GSPT1: variants seen among roughly 807,000 people sequenced by gnomAD.
GSPT1 encodes the protein eukaryotic peptide chain release factor GTP-binding subunit ERF3A.
In GSPT1, 20 loss-of-function variants were observed where a neutral mutation model predicts 72.5. That is an observed-to-expected ratio of 0.28 (90% CI 0.19 to 0.40). The LOEUF is 0.40. Among genes scored for constraint, GSPT1 ranks in the 10% least tolerant of loss-of-function variants. The pLI is 1.00. For missense variants in GSPT1, 580 were observed against 811.9 expected (o/e 0.71, Z 3.47); for synonymous variants, 334 against 293.5 (o/e 1.14, Z -1.41).
At position 11,868,821 on chromosome 16, in the gene GSPT1, A is replaced by G. The variant is rs556781444; in HGVS notation, c.*4298T>C. ...CAAATGTGACAAGGCAGAAAACAAT[A>G]ACCATTTCAAGGATCACTTAAGGAA... On this transcript the variant is annotated 3_prime_UTR_variant, in exon 15 of 15. Coordinates refer to ENST00000434724, the MANE Select transcript of GSPT1 (RefSeq NM_002094.4). 107 of 152,302 alleles carry G rather than the reference A, an allele frequency of 7.0e-4. No individual in the cohort carries two copies. Among genetic ancestry groups the G allele is most frequent in the African/African-American group, 2.5e-3 (104 of 41,560 alleles). The allele number at this position is 152,302 out of a possible 1,614,324, so 9.4% of individuals were successfully genotyped here.
chr16:11,892,851 A>AAAAAAAAAAAAAAAAG (rs1567443552), intron 5 of GSPT1, among the ~76,000 whole-genome samples: 7 of 144,108 alleles, frequency 4.9e-5, no homozygotes, highest in African/African-American at 1.8e-4. Context: ...AAAAAAAAAA[A>AAAAAAAAAAAAAAAAG]AAAAGAAAAG....
chr16:11,889,179 G>A (rs2054222194), intron 6 of GSPT1, among the ~76,000 whole-genome samples: 2 of 151,674 alleles, frequency 1.3e-5, no homozygotes, highest in Non-Finnish European at 2.9e-5. Flanking sequence ...GTGGTGGCGG[G>A]TGCCTGTAGT....
intron 1 of GSPT1, among the ~76,000 whole-genome samples, chr16:11,898,441 CTT>C (rs5815660): frequency 0.035 from 3,759 of 107,056 alleles, 135 homozygotes; most frequent in African/African-American, 0.12. Flanking sequence ...GTGATTAGCC[CTT>C]TTTTTTTTTT....
At chr16:11,894,760 G>A (rs1051019411) in intron 5 of GSPT1, among the ~76,000 whole-genome samples, 194 bp downstream of exon 5, 1 of 152,160 alleles carries the variant, frequency 6.6e-6, no homozygotes, top group African/African-American at 2.4e-5. Flanking sequence ...AAAATGCTGG[G>A]ATTATAGGTG....
Position 11,898,019 on chromosome 16 carries a change from A to G in GSPT1, c.369T>C (p.Ser123=). 1.3e-6 allele frequency: 2 copies of G among 1,549,262 alleles called. No individual in the cohort carries two copies. Among genetic ancestry groups the G allele is most frequent in the Non-Finnish European group, 1.7e-6 (2 of 1,143,000 alleles). Residue 123 remains serine (S), a synonymous_variant, in exon 2 of 15, where the codon TCT becomes TCC. Transcript: ENST00000434724. ...AGGRAAPVES[S]QEEQSLCEGS... ...CTTCACACAATGACTGTTCCTCTTG[A>G]GAGGATTCCACAGGTGCTGTTTAAC... is the stretch of plus-strand genomic sequence containing the variant.
intron 5 of GSPT1, among the ~76,000 whole-genome samples, chr16:11,894,716 C>G (rs982883409): frequency 6.6e-6 from 1 of 152,160 alleles, no homozygotes; most frequent in Non-Finnish European, 1.5e-5. Flanking sequence ...AACTCCAGAC[C>G]TCAAGTCCAG....
intron 14 of GSPT1, among the ~76,000 whole-genome samples, chr16:11,874,142 G>C (rs1030203500): frequency 7.9e-5 from 12 of 152,148 alleles, no homozygotes; most frequent in African/African-American, 2.9e-4. Context: ...ATTATGAACA[G>C]GTGTAAGGTT....
At position 11,873,117 on chromosome 16, in the gene GSPT1, G is replaced by T; in HGVS notation, c.*2C>A. On this transcript the variant is annotated 3_prime_UTR_variant, in exon 15 of 15. Coordinates refer to ENST00000434724, the MANE Select transcript of GSPT1 (RefSeq NM_002094.4). ...TATTGTGCAGGGTCATCAAGAAAAT[G>T]CTTAGTCTTTCTCTGGAACCAGTTT... The T allele has an allele frequency of 6.4e-7, 1 of 1,570,008 alleles. No homozygotes were observed. The highest frequency in any genetic ancestry group is 8.8e-7 in the Non-Finnish European group (1 of 1,140,230).
chr16:11,899,651 A>C lies in GSPT1; in HGVS notation c.353-1616T>G, dbSNP rs114536719. 9.7e-3 allele frequency among the ~76,000 whole-genome samples: 1,476 copies of C among 152,332 alleles called. 22 individuals are homozygous for C. The highest frequency in any genetic ancestry group is 0.033 in the African/African-American group (1,390 of 41,572). On this transcript the variant is annotated intron_variant, in intron 1 of 14. Coordinates refer to ENST00000434724, the MANE Select transcript of GSPT1 (RefSeq NM_002094.4). ...CAGAAACTGTACTTCAACACAATAC[A>C]GATTAACTTTTTTTTGCTTTTCCAT...
chr16:11,907,985 T>C (rs2054509042), intron 1 of GSPT1, among the ~76,000 whole-genome samples: 1 of 152,214 alleles, frequency 6.6e-6, no homozygotes, highest in Non-Finnish European at 1.5e-5. Flanking sequence ...CTCACACATG[T>C]AATCCCAGCA....
At chr16:11,903,409 T>C (rs367923918) in intron 1 of GSPT1, among the ~76,000 whole-genome samples, 53 of 152,246 alleles carry the variant, frequency 3.5e-4, no homozygotes, top group African/African-American at 1.3e-3. Context: ...CTCAGGAGGC[T>C]GAGCCAGGAG....
intron 10 of GSPT1, among the ~76,000 whole-genome samples, chr16:11,884,264 C>T (rs543718737): frequency 6.6e-5 from 10 of 152,192 alleles, no homozygotes; most frequent in East Asian, 1.9e-4. Flanking sequence ...AGTATTTTTG[C>T]GATGCTATTT....
At position 11,915,911 on chromosome 16, in the gene GSPT1, AGGC is replaced by A. The variant is rs757950220; in HGVS notation, c.-194_-192del. ...GACTCCACACTCGCGACGACGACAG[AGGC>A]GGCGGCGGCGGCAGCTCAACCCTCC... On this transcript the variant is annotated 5_prime_UTR_variant, in exon 1 of 15. Transcript: ENST00000434724. 1.2e-5 allele frequency: 10 copies of A among 831,374 alleles called. No individual in the cohort carries two copies. The highest frequency in any genetic ancestry group is 5.3e-5 in the South Asian group (4 of 75,138). 51.5% of individuals were successfully genotyped at this position (831,374 alleles called of 1,614,324 possible).
intron 4 of GSPT1, 42 bp from the exon 5 acceptor site, chr16:11,895,029 A>G: frequency 7.4e-7 from 1 of 1,359,578 alleles, no homozygotes; most frequent in Non-Finnish European, 1.0e-6. Context: ...TTAAAACCAA[A>G]AACCAATGGC....
Position 11,877,621 on chromosome 16 carries a change from A to G in GSPT1, c.1429-41T>C, listed in dbSNP as rs756767568. 3 of 1,284,026 alleles carry G rather than the reference A, an allele frequency of 2.3e-6. No homozygotes were observed. Among genetic ancestry groups the G allele is most frequent in the Non-Finnish European group, 3.3e-6 (3 of 921,952 alleles). The allele number at this position is 1,284,026 out of a possible 1,614,324, so 79.5% of individuals were successfully genotyped here. A position where few individuals can be genotyped will look rare whatever the true frequency, so the allele number is the denominator to read the frequency against. The stretch of plus-strand genomic sequence containing the variant: ...AGACTGGAGGTTTTCTGACACATTC[A>G]CTGCATTACGCAACATAAAATGATC... On this transcript the variant is annotated intron_variant, in intron 11 of 14. Coordinates refer to ENST00000434724, the MANE Select transcript of GSPT1 (RefSeq NM_002094.4). This position sits in a 1 kb window ranked among gnomAD's most constrained non-coding sequence, Gnocchi z 4.0.
At chr16:11,893,200 T>C (rs112927234) in intron 5 of GSPT1, among the ~76,000 whole-genome samples, 7 of 152,140 alleles carry the variant, frequency 4.6e-5, no homozygotes, top group Non-Finnish European at 8.8e-5. Context: ...TTTGAAGCTA[T>C]AGTGCGCTAT....
chr16:11,887,743 A>G lies in GSPT1; in HGVS notation c.784T>C (p.Ser262Pro). Residue 262 changes from serine (S) to proline (P), a missense_variant, in exon 7 of 15, where the codon TCT (serine) becomes CCT (proline). Ser to Pro is a moderately conservative substitution (Grantham distance 74, BLOSUM62 -1). This residue lies in a region of GSPT1 where 51 missense variants were observed against 118.2 expected (regional missense o/e 0.43). Coordinates refer to ENST00000434724, the MANE Select transcript of GSPT1 (RefSeq NM_002094.4). ...KEKNRETWYL[S>P]WALDTNQEER... Reference sequence around the variant, plus strand: ...TCCTGATTTGTGTCTAAGGCCCAAGACAAGTACCTGAAATAATTTTTAAAA... The same window carrying G: ...TCCTGATTTGTGTCTAAGGCCCAAGGCAAGTACCTGAAATAATTTTTAAAA... 1 of 1,593,252 alleles carries G rather than the reference A, an allele frequency of 6.3e-7. No homozygotes were observed. Among genetic ancestry groups the G allele is most frequent in the Non-Finnish European group, 8.5e-7 (1 of 1,170,030 alleles).
At chr16:11,904,289 G>A (rs1044528715) in intron 1 of GSPT1, among the ~76,000 whole-genome samples, 3 of 152,086 alleles carry the variant, frequency 2.0e-5, no homozygotes, top group Admixed American at 6.6e-5. Flanking sequence ...TGCAACCTCC[G>A]ACTCCTGGGT....
At position 11,915,666 on chromosome 16, in the gene GSPT1, T is replaced by C. The variant is rs1450366745; in HGVS notation, c.55A>G (p.Ser19Gly). 73 of 1,480,880 alleles carry C rather than the reference T, an allele frequency of 4.9e-5. No homozygotes were observed. The highest frequency in any genetic ancestry group is 1.6e-4 in the Admixed American group (7 of 43,472). 91.7% of individuals were successfully genotyped at this position (1,480,880 alleles called of 1,614,324 possible). Residue 19 changes from serine to glycine, a missense_variant, in exon 1 of 15, where the codon AGC becomes GGC. Physicochemically the swap from Ser to Gly is moderately conservative, Grantham distance 56 (BLOSUM62 0). Coordinates refer to ENST00000434724, the MANE Select transcript of GSPT1 (RefSeq NM_002094.4). ...GCCGAGTCGCTGCTGCTGCTGCCGC[T>C]GCTGCTCCCGCCGCCGCCGCCGCCG... ...GGGGGGGGSS[S>G]GSSSSDSAPD...
Sources: gnomAD v4.1 joint callset for allele counts (sites outside exome capture counted in the v4.1 genomes callset) on GRCh38, gnomAD v4.1.1 for gene constraint, gnomAD v4.1.1 regional missense constraint, Gnocchi (gnomAD v3.1) non-coding constraint, MANE v1.5 for transcripts, NCBI Gene and HGNC (gene_info 2026-07-23, HGNC 2026-07-21) for gene names.